The following TSPAN11 variants were observed in gnomAD, a reference collection of about 807,000 sequenced individuals.
The protein encoded by TSPAN11 is tetraspanin 11, also known as tetraspanin-11.
TSPAN11 carries 29 observed loss-of-function variants against 32.9 expected under a neutral mutation model. That is an observed-to-expected ratio of 0.88 (90% CI 0.66 to 1.20). The LOEUF (loss-of-function observed/expected upper bound fraction) is 1.20. TSPAN11 is among the 50% of genes most tolerant of loss of function. The pLI is 0.00. For synonymous variants in TSPAN11, 140 were observed against 141.3 expected (o/e 0.99, Z 0.07); for missense variants, 283 against 329.1 (o/e 0.86, Z 1.08).
At position 30,954,062 on chromosome 12, in the gene TSPAN11, ACTT is replaced by A. The variant is rs777472249; in HGVS notation, c.80_82del (p.Phe27del). The A allele has an allele frequency of 3.6e-5, 58 of 1,613,070 alleles. No homozygotes were observed. The highest frequency in any genetic ancestry group is 1.6e-4 in the Middle Eastern group (1 of 6,084). On this transcript the variant is annotated inframe_deletion, in exon 2 of 8. Coordinates refer to ENST00000546076, the MANE Select transcript of TSPAN11 (RefSeq NM_001370302.1). ...TTGAAGTATTTACTCTTTGTCTTCAACTTCTTCTTCTGGGTGAGTGAATTCTGC... is the reference window on the plus strand; with the variant it reads ...TTGAAGTATTTACTCTTTGTCTTCAACTTCTTCTGGGTGAGTGAATTCTGC...
intron 3 of TSPAN11, among the ~76,000 whole-genome samples, chr12:30,968,238 T>A (rs1364476547): frequency 6.6e-6 from 1 of 152,202 alleles, no homozygotes; most frequent in Non-Finnish European, 1.5e-5. Flanking sequence ...AGACCAGGCA[T>A]CTGAATGATG....
intron 1 of TSPAN11, among the ~76,000 whole-genome samples, chr12:30,950,564 G>A (rs1383956919): frequency 6.6e-6 from 1 of 152,132 alleles, no homozygotes; most frequent in Non-Finnish European, 1.5e-5. Context: ...GCTGTACCAG[G>A]GTGATGTTAG....
intron 1 of TSPAN11, among the ~76,000 whole-genome samples, chr12:30,929,958 G>T (rs1433171016): frequency 1.3e-5 from 2 of 152,226 alleles, no homozygotes; most frequent in African/African-American, 2.4e-5. Flanking sequence ...GAGCATTAAT[G>T]ACCGTGCCCA....
chr12:30,940,351 A>T (rs970154948), intron 1 of TSPAN11, among the ~76,000 whole-genome samples: 1 of 152,134 alleles, frequency 6.6e-6, no homozygotes, highest in African/African-American at 2.4e-5. Flanking sequence ...CCCATACATC[A>T]GGTACTCTGT....
downstream of TSPAN11, among the ~76,000 whole-genome samples, chr12:31,000,647 C>T (rs1405778524): frequency 1.3e-5 from 2 of 152,332 alleles, no homozygotes; most frequent in Admixed American, 6.5e-5. Flanking sequence ...CCTTTCCATC[C>T]GCACCACAGT....
At chr12:31,013,434 T>A in the TSPAN11 span, among the ~76,000 whole-genome samples, 1 of 152,016 alleles carries the variant, frequency 6.6e-6, no homozygotes, top group Non-Finnish European at 1.5e-5. Context: ...TTTTTTTTAA[T>A]TAGCTGGGCA....
At chr12:30,940,768 C>T (rs1938143899) in intron 1 of TSPAN11, among the ~76,000 whole-genome samples, 2 of 152,198 alleles carry the variant, frequency 1.3e-5, no homozygotes, top group Non-Finnish European at 2.9e-5. Flanking sequence ...GGGTCCCTGA[C>T]CCCCAGATCA....
chr12:31,007,682 G>A, the TSPAN11 span, among the ~76,000 whole-genome samples: 7,585 of 152,216 alleles, frequency 0.05, 218 homozygotes, highest in Middle Eastern at 0.13. Context: ...TGTGGGCCAG[G>A]GCCAGGCCCA....
Position 30,992,571 on chromosome 12 carries a change from A to T in TSPAN11, c.*656A>T, listed in dbSNP as rs947602821. On this transcript the variant is annotated 3_prime_UTR_variant, in exon 8 of 8. Transcript: ENST00000546076. ...AAGCAGGGGGTAAGGTGGCCATACC[A>T]GCACATGCTGCACTAGGAGCAGAGC... 1 of 156,056 alleles carries T rather than the reference A, an allele frequency of 6.4e-6. No individual in the cohort carries two copies. Among genetic ancestry groups the T allele is most frequent in the East Asian group, 1.9e-4 (1 of 5,348 alleles). 9.7% of individuals were successfully genotyped at this position (156,056 alleles called of 1,614,324 possible).
rs1334156300 is a variant in TSPAN11, at chr12:30,993,790, G to T, written c.*1875G>T. On this transcript the variant is annotated 3_prime_UTR_variant, in exon 8 of 8. Transcript: ENST00000546076. ...GGGAGAGTGGTGAGAGAGAGAAAGA[G>T]GGTACTGGGCTAGAGCCATGTTCTT... is the stretch of plus-strand genomic sequence containing the variant. The T allele has an allele frequency of 6.6e-6, 1 of 152,338 alleles. No homozygotes were observed. The highest frequency in any genetic ancestry group is 1.5e-5 in the Non-Finnish European group (1 of 68,102). 9.4% of individuals were successfully genotyped at this position (152,338 alleles called of 1,614,324 possible). A position where few individuals can be genotyped will look rare whatever the true frequency, so the allele number is the denominator to read the frequency against.
At chr12:30,978,287 T>C in intron 3 of TSPAN11, 1 of 433,712 alleles carries the variant, frequency 2.3e-6, no homozygotes, top group Non-Finnish European at 4.1e-6. Context: ...GCAATAGTTG[T>C]CTTACTTACG....
intron 1 of TSPAN11, among the ~76,000 whole-genome samples, chr12:30,937,430 T>C (rs1213898619): frequency 1.3e-5 from 2 of 148,296 alleles, no homozygotes; most frequent in Non-Finnish European, 3.0e-5. Context: ...AGCGTACTTT[T>C]GGGGGGGCGG....
At chr12:30,978,445 G>A in intron 3 of TSPAN11, 116 bp from the exon 4 acceptor site, 1 of 975,002 alleles carries the variant, frequency 1.0e-6, no homozygotes, top group Non-Finnish European at 1.6e-6. Context: ...GGAGGAAGAT[G>A]GCATGGATGA....
chr12:30,955,190 C>T (rs1225052799), intron 2 of TSPAN11: 2 of 152,106 alleles, frequency 1.3e-5, no homozygotes, highest in Non-Finnish European at 1.5e-5. Flanking sequence ...AAAAGTTGTG[C>T]GATCTGCTAT....
chr12:30,968,314 T>A (rs1181811896), intron 3 of TSPAN11, among the ~76,000 whole-genome samples: 3 of 152,316 alleles, frequency 2.0e-5, no homozygotes, highest in South Asian at 4.1e-4. Flanking sequence ...AGGGGGACCA[T>A]CCAGCTTCCA....
At chr12:31,001,852 G>A in the TSPAN11 span, among the ~76,000 whole-genome samples, 2 of 152,152 alleles carry the variant, frequency 1.3e-5, no homozygotes, top group Admixed American at 1.3e-4. Context: ...TATACAGCCA[G>A]GGCAGCCTGT....
intron 5 of TSPAN11, among the ~76,000 whole-genome samples, chr12:30,980,862 T>C (rs2140305157): frequency 6.6e-6 from 1 of 152,296 alleles, no homozygotes; most frequent in Non-Finnish European, 1.5e-5. Context: ...AAACTAAGTG[T>C]GCACTCCACT....
At chr12:30,939,524 A>G (rs924653554) in intron 1 of TSPAN11, among the ~76,000 whole-genome samples, 2 of 152,304 alleles carry the variant, frequency 1.3e-5, no homozygotes, top group East Asian at 3.9e-4. Context: ...TCTACCTTCA[A>G]ATTCAACCAC....
intron 1 of TSPAN11, among the ~76,000 whole-genome samples, chr12:30,945,198 C>T (rs1348854781): frequency 6.6e-6 from 1 of 152,204 alleles, no homozygotes; most frequent in Non-Finnish European, 1.5e-5. Context: ...CCCACCACCC[C>T]TGTCTGGCAG....
Sources: allele counts gnomAD v4.1 joint callset (sites outside exome capture counted in the v4.1 genomes callset), GRCh38; gene constraint gnomAD v4.1.1; transcripts MANE v1.5; gene names NCBI Gene and HGNC (gene_info 2026-07-23, HGNC 2026-07-21).